Variants in TBC1D5 observed in about 807,000 individuals in gnomAD.
TBC1D5 encodes TBC1 domain family member 5, also known as TBC1 domain family, member 5.
A neutral mutation model predicts 100.3 loss-of-function variants in TBC1D5; 75 were observed. That is an observed-to-expected ratio of 0.75 (90% confidence interval 0.62 to 0.91). The LOEUF is 0.91. TBC1D5 is among the 40% of genes least tolerant of loss of function. TBC1D5 has a pLI of 0.00. For synonymous variants in TBC1D5, 323 were observed against 325.6 expected (o/e 0.99, Z 0.09); for missense variants, 910 against 942.4 (o/e 0.97, Z 0.45).
chr3:17,387,228 T>C (rs1384492706), intron 8 of TBC1D5, among the ~76,000 whole-genome samples: 2 of 152,086 alleles, frequency 1.3e-5, no homozygotes, highest in African/African-American at 4.8e-5. Context: ...TTGTGCTGAG[T>C]CTTTGGAGAT....
At chr3:17,447,004 A>C (rs1032944739) in intron 3 of TBC1D5, among the ~76,000 whole-genome samples, 1 of 152,148 alleles carries the variant, frequency 6.6e-6, no homozygotes, top group Non-Finnish European at 1.5e-5. Context: ...AAAGCATAAG[A>C]AACAAGGAAT....
chr3:17,652,728 A>T (rs1299487183), intron 1 of TBC1D5, among the ~76,000 whole-genome samples: 4 of 152,220 alleles, frequency 2.6e-5, no homozygotes, highest in Non-Finnish European at 4.4e-5. Flanking sequence ...TTTCTGCAGC[A>T]CCCTGATTAT....
rs576896665 is a variant in TBC1D5, at chr3:17,190,166, T to G, written c.1753-4958A>C. 5.9e-5 allele frequency among the ~76,000 whole-genome samples: 9 copies of G among 152,330 alleles called. No individual in the cohort carries two copies. In the East Asian group the frequency reaches 1.7e-3, roughly 29 times the overall value. On this transcript the variant is annotated intron_variant, in intron 18 of 21. Coordinates refer to ENST00000253692, the Ensembl canonical transcript of TBC1D5. Reference sequence around the variant, plus strand: ...TTTATTATTCATTCATATATTAATTTTTTCAAAAGTGATGTTTGTTTGCAT... The same window carrying G: ...TTTATTATTCATTCATATATTAATTGTTTCAAAAGTGATGTTTGTTTGCAT...
At chr3:17,238,200 C>T (rs1576198328) in exon 17 of TBC1D5, 2 of 1,613,934 alleles carry the variant, frequency 1.2e-6, no homozygotes, top group Non-Finnish European at 1.7e-6. Flanking sequence ...CTGATTTCAT[C>T]AGCCTCTGCT....
chr3:17,307,203 T>C (rs2083486148), intron 14 of TBC1D5, among the ~76,000 whole-genome samples: 1 of 152,230 alleles, frequency 6.6e-6, no homozygotes, highest in Non-Finnish European at 1.5e-5. Context: ...AAAGTGTATG[T>C]TCTTCTGACA....
intron 18 of TBC1D5, among the ~76,000 whole-genome samples, chr3:17,203,363 C>T (rs1291088486): frequency 6.6e-6 from 1 of 152,164 alleles, no homozygotes; most frequent in African/African-American, 2.4e-5. Context: ...ATTTTACAGG[C>T]TCATAGGTGG....
exon 1 of TBC1D5, chr3:17,739,710 C>G (rs1462128414): frequency 1.3e-5 from 2 of 152,182 alleles, no homozygotes; most frequent in African/African-American, 4.8e-5. Context: ...GAAAGCAGGC[C>G]AGGCGCGGCC....
intron 9 of TBC1D5, among the ~76,000 whole-genome samples, chr3:17,381,656 C>T (rs1387622027): frequency 6.6e-6 from 1 of 152,016 alleles, no homozygotes; most frequent in Non-Finnish European, 1.5e-5. Flanking sequence ...GAATTCTACA[C>T]TAATAGATTT....
chr3:17,732,442 G>T (rs2076640023), intron 1 of TBC1D5, among the ~76,000 whole-genome samples: 1 of 152,006 alleles, frequency 6.6e-6, no homozygotes, highest in Admixed American at 6.6e-5. Context: ...TTTCTGGCTG[G>T]GCACGGTGGC....
At chr3:17,330,773 G>T (rs1382338045) in intron 13 of TBC1D5, among the ~76,000 whole-genome samples, 1 of 152,116 alleles carries the variant, frequency 6.6e-6, no homozygotes, top group Non-Finnish European at 1.5e-5. Flanking sequence ...TAACCTGGAT[G>T]CCCTACAAGC....
intron 4 of TBC1D5, among the ~76,000 whole-genome samples, chr3:17,414,961 C>G (rs1364623300): frequency 6.6e-6 from 1 of 152,040 alleles, no homozygotes; most frequent in African/African-American, 2.4e-5. Flanking sequence ...TATGATAAGG[C>G]TCCACTGAAA....
chr3:17,379,821 T>G (rs1434993559), intron 9 of TBC1D5, among the ~76,000 whole-genome samples: 1 of 152,046 alleles, frequency 6.6e-6, no homozygotes, highest in Non-Finnish European at 1.5e-5. Context: ...CAACAATTAA[T>G]AAGAATAGAA....
At chr3:17,367,534 A>G (rs1055975170) in intron 13 of TBC1D5, among the ~76,000 whole-genome samples, 1 of 152,128 alleles carries the variant, frequency 6.6e-6, no homozygotes, top group African/African-American at 2.4e-5. Flanking sequence ...GTGCAATACC[A>G]ATCAATAATT....
intron 13 of TBC1D5, among the ~76,000 whole-genome samples, chr3:17,309,247 T>C (rs2083724376): frequency 1.3e-5 from 2 of 152,102 alleles, no homozygotes; most frequent in South Asian, 4.1e-4. Context: ...AAATCAAAGA[T>C]GTGACAAAAT....
intron 21 of TBC1D5, among the ~76,000 whole-genome samples, chr3:17,162,790 A>G (rs2066199214): frequency 6.6e-6 from 1 of 152,222 alleles, no homozygotes; most frequent in South Asian, 2.1e-4. Context: ...GGTCAGAGCC[A>G]TGCTGCCTTT....
intron 2 of TBC1D5, among the ~76,000 whole-genome samples, chr3:17,565,278 T>A (rs116757954): frequency 0.011 from 1,659 of 152,254 alleles, 27 homozygotes; most frequent in African/African-American, 0.037. Flanking sequence ...GAGTACTATG[T>A]TTAAAGTCCT....
At chr3:17,546,803 G>GA (rs1167500993) in intron 2 of TBC1D5, among the ~76,000 whole-genome samples, 2 of 150,180 alleles carry the variant, frequency 1.3e-5, no homozygotes, top group Non-Finnish European at 3.0e-5. Flanking sequence ...AAAAAAGAAA[G>GA]AAAGAAAGAA....
In TBC1D5 at chr3:17,499,726, G is replaced by T. The variant is rs114893917; in HGVS notation, c.97+8748C>A. Among the ~76,000 whole-genome samples, 1,316 of 148,300 alleles carry T rather than the reference G, an allele frequency of 8.9e-3. 126 individuals carry two copies. Among genetic ancestry groups the T allele is most frequent in the African/African-American group, 0.028 (1,096 of 38,906 alleles). On this transcript the variant is annotated intron_variant, in intron 3 of 21. Transcript: ENST00000253692. ...AAATCTAAACCCTTACTCTACTGTA[G>T]TTTTTGGCCCCATTAATGAATCAAC... is the stretch of plus-strand genomic sequence containing the variant.
chr3:17,438,495 A>G (rs1450495130), intron 3 of TBC1D5, among the ~76,000 whole-genome samples: 2 of 152,110 alleles, frequency 1.3e-5, no homozygotes, highest in African/African-American at 4.8e-5. Flanking sequence ...ATGGTTTTAT[A>G]AGGGGATTCC....
Sources: allele counts gnomAD v4.1 joint callset (sites outside exome capture counted in the v4.1 genomes callset), GRCh38; gene constraint gnomAD v4.1.1; transcripts MANE v1.5; gene names NCBI Gene and HGNC (gene_info 2026-07-23, HGNC 2026-07-21).